SYNDIG1: variants seen among roughly 807,000 people sequenced by gnomAD.
SYNDIG1 encodes synapse differentiation inducing 1.
Under a neutral mutation model 19.4 loss-of-function variants are expected in SYNDIG1, and 9 were observed. That is an observed-to-expected ratio of 0.46 (90% CI 0.28 to 0.81). SYNDIG1 has a LOEUF of 0.81. SYNDIG1 is among the 30% of genes least tolerant of loss of function. SYNDIG1 has a pLI of 0.12. For missense variants in SYNDIG1, 311 were observed against 343.3 expected (o/e 0.91, Z 0.74); for synonymous variants, 141 against 145.9 (o/e 0.97, Z 0.24).
At chr20:24,636,290 G>A (rs1030756499) in intron 3 of SYNDIG1, among the ~76,000 whole-genome samples, 4 of 152,092 alleles carry the variant, frequency 2.6e-5, no homozygotes, top group South Asian at 2.1e-4. Context: ...TCATTGTCTC[G>A]TGCCAAGGGA....
intron 3 of SYNDIG1, among the ~76,000 whole-genome samples, chr20:24,633,675 C>T (rs2024609): frequency 0.031 from 4,669 of 152,212 alleles, 214 homozygotes; most frequent in African/African-American, 0.1. Context: ...CGTGAAGTCT[C>T]GTCAGCTCCC....
At chr20:24,608,086 T>TA (rs2058785582) in intron 3 of SYNDIG1, among the ~76,000 whole-genome samples, 1 of 152,234 alleles carries the variant, frequency 6.6e-6, no homozygotes, top group Admixed American at 6.5e-5. Flanking sequence ...GTATACCTAA[T>TA]AAAAGATATT....
chr20:24,512,992 C>T (rs1039932979), intron 1 of SYNDIG1, among the ~76,000 whole-genome samples: 4 of 152,020 alleles, frequency 2.6e-5, no homozygotes, highest in Non-Finnish European at 4.4e-5. Flanking sequence ...CTGCAGCCTC[C>T]GCTGGTGATA....
chr20:24,631,589 C>G (rs1051498612), intron 3 of SYNDIG1, among the ~76,000 whole-genome samples: 4 of 152,270 alleles, frequency 2.6e-5, no homozygotes, highest in South Asian at 2.1e-4. Flanking sequence ...TTTAGTTTAT[C>G]AGGGCTACCC....
chr20:24,496,171 T>C (rs373745013), intron 1 of SYNDIG1, among the ~76,000 whole-genome samples: 61 of 152,282 alleles, frequency 4.0e-4, no homozygotes, highest in African/African-American at 1.4e-3. Context: ...AAACTGGGGT[T>C]GACTGCATGT....
intron 2 of SYNDIG1, among the ~76,000 whole-genome samples, chr20:24,572,415 G>A (rs978715520): frequency 1.1e-4 from 17 of 152,160 alleles, no homozygotes; most frequent in African/African-American, 3.1e-4. Flanking sequence ...CCACATCTTC[G>A]GCAGCTGGCT....
intron 1 of SYNDIG1, among the ~76,000 whole-genome samples, 199 bp downstream of exon 1, chr20:24,469,952 G>C (rs1289405352): frequency 6.6e-6 from 1 of 151,682 alleles, no homozygotes; most frequent in Non-Finnish European, 1.5e-5. Context: ...GCCGCGACGA[G>C]ACTTGGGAGA....
chr20:24,633,349 G>A (rs909435740), intron 3 of SYNDIG1, among the ~76,000 whole-genome samples: 2 of 152,182 alleles, frequency 1.3e-5, no homozygotes, highest in Non-Finnish European at 2.9e-5. Context: ...CAGCCCGAAG[G>A]CCCACAGTGG....
intron 1 of SYNDIG1, among the ~76,000 whole-genome samples, chr20:24,474,104 G>A (rs2055549513): frequency 6.6e-6 from 1 of 152,198 alleles, no homozygotes; most frequent in Non-Finnish European, 1.5e-5. Context: ...GATAGGAAAG[G>A]CATGTGAGCA....
chr20:24,545,959 A>G lies in SYNDIG1; in HGVS notation c.480+2382A>G, dbSNP rs141446270. 5.4e-3 allele frequency among the ~76,000 whole-genome samples: 823 copies of G among 152,334 alleles called. 5 individuals carry two copies. The highest frequency in any genetic ancestry group is 0.01 in the Non-Finnish European group (693 of 68,028). On this transcript the variant is annotated intron_variant, in intron 2 of 3. Coordinates refer to ENST00000376862, the MANE Select transcript of SYNDIG1 (RefSeq NM_024893.3). ...AGCAAGTTGTTTACTTAGGCACTTT[A>G]GTGAGACTTTCTGGTCGGCTTCCAA...
intron 1 of SYNDIG1, among the ~76,000 whole-genome samples, chr20:24,491,029 G>A (rs370847554): frequency 2.6e-4 from 40 of 152,354 alleles, no homozygotes; most frequent in African/African-American, 8.7e-4. Flanking sequence ...TCTGGTTGCT[G>A]TGGCAGGTAA....
intron 3 of SYNDIG1, among the ~76,000 whole-genome samples, chr20:24,647,020 C>T (rs2059428589): frequency 6.6e-6 from 1 of 152,196 alleles, no homozygotes; most frequent in Non-Finnish European, 1.5e-5. Flanking sequence ...GATAGCAACA[C>T]AAAATGGGCT....
At chr20:24,626,418 C>T (rs978896020) in intron 3 of SYNDIG1, among the ~76,000 whole-genome samples, 168 of 151,464 alleles carry the variant, frequency 1.1e-3, no homozygotes, top group African/African-American at 3.9e-3. Flanking sequence ...CGGGCCGAGG[C>T]GCTCCTCACA....
intron 2 of SYNDIG1, among the ~76,000 whole-genome samples, chr20:24,552,037 GT>G (rs2057715386): frequency 6.6e-6 from 1 of 152,180 alleles, no homozygotes; most frequent in African/African-American, 2.4e-5. Flanking sequence ...TGTCTGCCTA[GT>G]TGTCACAATT....
rs200765275 is a variant in SYNDIG1 at position 24,622,897 on chromosome 20, A to G, written c.618+37904A>G. ...TAGAACAAAAAACAAAAACAAACCA[A>G]CAACAACCAAAAGTAACTGAGATAT... On this transcript the variant is annotated intron_variant, in intron 3 of 3. Transcript: ENST00000376862. Among the ~76,000 whole-genome samples, 21 of 152,220 alleles carry G rather than the reference A, an allele frequency of 1.4e-4. No homozygotes were observed. In the East Asian group the frequency reaches 3.7e-3, roughly 27 times the overall value.
chr20:24,546,203 C>A (rs541175763), intron 2 of SYNDIG1, among the ~76,000 whole-genome samples: 3 of 152,192 alleles, frequency 2.0e-5, no homozygotes, highest in Non-Finnish European at 4.4e-5. Context: ...TTCCCTTCTT[C>A]GGTAATTAAC....
intron 1 of SYNDIG1, among the ~76,000 whole-genome samples, chr20:24,529,814 GGT>G (rs1296079138): frequency 6.6e-6 from 1 of 151,914 alleles, no homozygotes; most frequent in Non-Finnish European, 1.5e-5. Flanking sequence ...TCCTGCTGAT[GGT>G]GTCAGTGGTG....
chr20:24,535,667 A>T (rs904740969), intron 1 of SYNDIG1, among the ~76,000 whole-genome samples: 3 of 152,232 alleles, frequency 2.0e-5, no homozygotes, highest in East Asian at 1.9e-4. Flanking sequence ...TGAAATAATT[A>T]TCCTTGGCTA....
intron 3 of SYNDIG1, among the ~76,000 whole-genome samples, chr20:24,599,581 C>T (rs544059743): frequency 5.7e-4 from 87 of 152,220 alleles, no homozygotes; most frequent in African/African-American, 1.7e-3. Context: ...TGGAATCAAC[C>T]GAAGTGCCAA....
Sources: allele counts gnomAD v4.1 joint callset (sites outside exome capture counted in the v4.1 genomes callset), GRCh38; gene constraint gnomAD v4.1.1; transcripts MANE v1.5; gene names NCBI Gene and HGNC (gene_info 2026-07-23, HGNC 2026-07-21).